FABP6: variants seen among roughly 807,000 people sequenced by gnomAD.
The protein encoded by FABP6 is gastrotropin.
Under a neutral mutation model 14.9 loss-of-function variants are expected in FABP6, and 13 were observed. The observed-to-expected ratio is 0.87, with a 90% CI of 0.57 to 1.39. The LOEUF (loss-of-function observed/expected upper bound fraction) is 1.39. Among genes scored for constraint, FABP6 ranks in the 40% most tolerant of loss-of-function variants. The pLI is 0.00. For missense variants in FABP6, 161 were observed against 167.2 expected (o/e 0.96, Z 0.20); for synonymous variants, 75 against 63.6 (o/e 1.18, Z -0.85).
At chr5:160,219,381 G>A (rs1760084604) in intron 3 of FABP6, among the ~76,000 whole-genome samples, 1 of 152,148 alleles carries the variant, frequency 6.6e-6, no homozygotes, top group Non-Finnish European at 1.5e-5. Context: ...TCTCTATTGG[G>A]GTATAGTTGT....
At chr5:160,205,058 G>A (rs1349705357) in intron 2 of FABP6, among the ~76,000 whole-genome samples, 1 of 152,090 alleles carries the variant, frequency 6.6e-6, no homozygotes, top group East Asian at 1.9e-4. Context: ...AAAACTGAAA[G>A]TTTCTCAGAG....
At chr5:160,207,722 C>T (rs1369809067) in intron 2 of FABP6, among the ~76,000 whole-genome samples, 3 of 120,614 alleles carry the variant, frequency 2.5e-5, no homozygotes, top group African/African-American at 9.4e-5. Flanking sequence ...ATCTTTACCT[C>T]CTTTTTTTTT....
At chr5:160,191,805 C>CCA (rs1303552745) in intron 1 of FABP6, among the ~76,000 whole-genome samples, 6 of 130,328 alleles carry the variant, frequency 4.6e-5, no homozygotes, top group South Asian at 2.5e-4. Context: ...ACTAAAAATA[C>CCA]AAAAAAAAAA....
intron 1 of FABP6, among the ~76,000 whole-genome samples, chr5:160,194,773 C>G (rs191936915): frequency 5.7e-4 from 87 of 152,226 alleles, no homozygotes; most frequent in African/African-American, 2.0e-3. Context: ...TTTAGATCCC[C>G]TGTCCTGATG....
At position 160,234,818 on chromosome 5, in the gene FABP6, A is replaced by G; in HGVS notation, c.244-2A>G. ...AGGCTTAATGTTGTGCTTCCATTCC[A>G]GGCCACTGTGCAGATGGAGGGCGGG... On this transcript the variant is annotated splice_acceptor_variant, in intron 2 of 3. Transcript: ENST00000402432. LOFTEE classifies it high-confidence loss of function. 2 of 1,603,564 alleles carry G rather than the reference A, an allele frequency of 1.2e-6. No homozygotes were observed. Among genetic ancestry groups the G allele is most frequent in the Non-Finnish European group, 1.7e-6 (2 of 1,174,206 alleles).
rs73817323 is a variant in FABP6 at position 160,198,111 on chromosome 5, A to C, written c.-58-938A>C. ...AGAAGGAGAGAGCTAGAAGGCTAAAAATACCTCTGGCCCCCACGTCCCTAG... is the reference window on the plus strand; with the variant it reads ...AGAAGGAGAGAGCTAGAAGGCTAAACATACCTCTGGCCCCCACGTCCCTAG... On this transcript the variant is annotated intron_variant, in intron 1 of 6. Transcript: ENST00000393980. 904 of 152,292 alleles carry C rather than the reference A, an allele frequency of 5.9e-3. 8 individuals are homozygous for C. Among genetic ancestry groups the C allele is most frequent in the African/African-American group, 0.021 (872 of 41,410 alleles). The allele number at this position is 152,292 out of a possible 1,614,324, so 9.4% of individuals were successfully genotyped here. A position where few individuals can be genotyped will look rare whatever the true frequency, so the allele number is the denominator to read the frequency against.
At chr5:160,189,231 A>G (rs1294379198) in intron 1 of FABP6, among the ~76,000 whole-genome samples, 2 of 151,840 alleles carry the variant, frequency 1.3e-5, no homozygotes, top group African/African-American at 4.8e-5. Context: ...AAGAAATCGT[A>G]TTTTACTTAT....
intron 1 of FABP6, 30 bp downstream of exon 1, chr5:160,229,654 G>A (rs111796618): frequency 5.1e-5 from 82 of 1,611,232 alleles, no homozygotes; most frequent in South Asian, 3.4e-4. Flanking sequence ...TCCCTTCCTC[G>A]GGGTTGGTTT....
intron 3 of FABP6, 120 bp from the exon 4 acceptor site, chr5:160,238,486 T>A (rs1217781447): frequency 7.7e-6 from 6 of 774,316 alleles, no homozygotes; most frequent in Admixed American, 2.2e-5. Flanking sequence ...CCGAAAGAAG[T>A]GGTGCGCCTG....
At chr5:160,222,979 T>G (rs1760160989) in intron 3 of FABP6, among the ~76,000 whole-genome samples, 1 of 152,214 alleles carries the variant, frequency 6.6e-6, no homozygotes, top group East Asian at 1.9e-4. Flanking sequence ...TTTATTTTTA[T>G]TTTTTAGGTT....
intron 2 of FABP6, among the ~76,000 whole-genome samples, chr5:160,200,877 G>A (rs1220957815): frequency 1.3e-5 from 2 of 152,134 alleles, no homozygotes; most frequent in Non-Finnish European, 2.9e-5. Context: ...GGTGGCCTTA[G>A]CATTGCCAGG....
chr5:160,198,233 G>A (rs1173544737), intron 1 of FABP6: 5 of 152,072 alleles, frequency 3.3e-5, no homozygotes, highest in African/African-American at 1.2e-4. Context: ...TTACCTGAGG[G>A]AGATGATTCA....
chr5:160,212,366 G>A (rs191111468), intron 2 of FABP6, among the ~76,000 whole-genome samples: 19 of 152,088 alleles, frequency 1.2e-4, no homozygotes, highest in Non-Finnish European at 2.2e-4. Flanking sequence ...ATGTTAGCCA[G>A]GTTGGTCTCC....
At chr5:160,238,430 C>T (rs1760565376) in intron 3 of FABP6, among the ~76,000 whole-genome samples, 176 bp from the exon 4 acceptor site, 1 of 152,204 alleles carries the variant, frequency 6.6e-6, no homozygotes. Context: ...CCATTCATCA[C>T]AGGGAGTCTT....
chr5:160,233,501 T>G (rs1760437589), intron 2 of FABP6, among the ~76,000 whole-genome samples: 1 of 152,152 alleles, frequency 6.6e-6, no homozygotes, highest in Admixed American at 6.5e-5. Flanking sequence ...AACAAGACAG[T>G]GCATGAAAGC....
chr5:160,204,282 A>T (rs749149044), intron 2 of FABP6, among the ~76,000 whole-genome samples: 1 of 152,090 alleles, frequency 6.6e-6, no homozygotes, highest in African/African-American at 2.4e-5. Context: ...CTGCCATTGC[A>T]CTCCAGCCTG....
In FABP6 at chr5:160,213,775, C is replaced by A. The variant is rs749950103; in HGVS notation, c.91C>A (p.Arg31=). 19 of 1,613,574 alleles carry A rather than the reference C, an allele frequency of 1.2e-5. No homozygotes were observed. The Admixed American group carries it at 3.0e-4, about 26-fold the overall frequency. ...GTTGTCTGCGTGCACATGGGTGAGC[C>A]GGAAAGGAGACCTGCAGAGAATGAA... is the stretch of plus-strand genomic sequence containing the variant. The change falls in exon 3 of 7, where the codon CGG becomes AGG. Residue 31 remains arginine (R), a synonymous_variant. Transcript: ENST00000393980.
At chr5:160,213,983 CA>C (rs2030835111) in intron 3 of FABP6, among the ~76,000 whole-genome samples, 2 of 152,090 alleles carry the variant, frequency 1.3e-5, no homozygotes, top group African/African-American at 4.8e-5. Context: ...TTTTATAGGT[CA>C]AAAAGGTCAA....
chr5:160,200,841 C>A (rs1435817573), intron 2 of FABP6, among the ~76,000 whole-genome samples: 1 of 151,692 alleles, frequency 6.6e-6, no homozygotes, highest in Non-Finnish European at 1.5e-5. Flanking sequence ...TCCTTCAAAC[C>A]TAGCCCTTGG....
Sources: allele counts gnomAD v4.1 joint callset (sites outside exome capture counted in the v4.1 genomes callset), GRCh38; gene constraint gnomAD v4.1.1; transcripts MANE v1.5; gene names NCBI Gene and HGNC (gene_info 2026-07-23, HGNC 2026-07-21).